The following DLGAP2 variants were observed in gnomAD, a reference collection of about 807,000 sequenced individuals.
DLGAP2 encodes the protein DLG associated protein 2, also known as disks large-associated protein 2.
Under a neutral mutation model 100.3 loss-of-function variants are expected in DLGAP2, and 26 were observed. The observed-to-expected ratio is 0.26, with a 90% CI of 0.19 to 0.36. The LOEUF (loss-of-function observed/expected upper bound fraction) is 0.36, where lower values mean the gene tolerates loss of function less well. Among genes scored for constraint, DLGAP2 ranks in the 10% least tolerant of loss-of-function variants. The probability of loss-of-function intolerance (pLI) is 1.00; values close to 1 mark genes in which losing one functional copy is unlikely to be tolerated. For missense variants in DLGAP2, 1,858 were observed against 1,453.2 expected, an observed-to-expected ratio of 1.28 and a Z score of -4.53; for synonymous variants, 886 against 630.1, an observed-to-expected ratio of 1.41 and a Z score of -6.08.
rs187627298 is a variant in DLGAP2, at chr8:1,425,732, G to C, written c.107-75634G>C. Among the ~76,000 whole-genome samples, 252 of 152,282 alleles carry C rather than the reference G, an allele frequency of 1.7e-3. 2 individuals carry two copies. Among genetic ancestry groups the C allele is most frequent in the African/African-American group, 5.9e-3 (247 of 41,562 alleles). ...TGGCCCCTGTGGGCTCATGAACCAA[G>C]ATAAGGACGTCTGTGCACCATTAAA... is the stretch of plus-strand genomic sequence containing the variant. On this transcript the variant is annotated intron_variant, in intron 3 of 14. Transcript: ENST00000637795.
chr8:893,201 C>A (rs1798072008), intron 1 of DLGAP2: 1 of 152,168 alleles, frequency 6.6e-6, no homozygotes, highest in Non-Finnish European at 1.5e-5. Flanking sequence ...CAGGCCGGAT[C>A]CTGCAGAGTG....
intron 2 of DLGAP2, among the ~76,000 whole-genome samples, chr8:1,157,987 C>G (rs1796823283): frequency 6.6e-6 from 1 of 152,200 alleles, no homozygotes; most frequent in South Asian, 2.1e-4. Context: ...GAGACAGATT[C>G]CAGTTTTACA....
At chr8:819,525 A>T (rs1173368605) in intron 1 of DLGAP2, among the ~76,000 whole-genome samples, 1 of 152,218 alleles carries the variant, frequency 6.6e-6, no homozygotes, top group Non-Finnish European at 1.5e-5. Flanking sequence ...GAGAAAAGAT[A>T]TTGGGAATCA....
At chr8:1,547,123 C>T (rs1024434693) in intron 4 of DLGAP2, among the ~76,000 whole-genome samples, 3 of 152,070 alleles carry the variant, frequency 2.0e-5, no homozygotes, top group African/African-American at 7.2e-5. Flanking sequence ...TGACGGCAGC[C>T]GGGTGTGCTT....
In DLGAP2 at chr8:1,049,331, G is replaced by A. The variant is rs143554322; in HGVS notation, c.73+141365G>A. Among the ~76,000 whole-genome samples, 401 of 152,132 alleles carry A rather than the reference G, an allele frequency of 2.6e-3. 6 individuals carry two copies. The highest frequency in any genetic ancestry group is 0.021 in the Admixed American group (325 of 15,288). The stretch of plus-strand genomic sequence containing the variant: ...CCTGTTCTACTTCTATAATTTTAAC[G>A]TCTTCGAAGACACAGACACCTTCTT... On this transcript the variant is annotated intron_variant, in intron 2 of 14. Coordinates refer to ENST00000637795, the MANE Select transcript of DLGAP2 (RefSeq NM_001346810.2).
At chr8:1,182,999 C>G (rs1797423726) in intron 2 of DLGAP2, among the ~76,000 whole-genome samples, 2 of 152,196 alleles carry the variant, frequency 1.3e-5, no homozygotes, top group Admixed American at 6.5e-5. Flanking sequence ...GGGCCAGTTC[C>G]TGGAAGTGTG....
intron 1 of DLGAP2, among the ~76,000 whole-genome samples, chr8:883,512 C>A (rs77701895): frequency 6.6e-6 from 1 of 150,752 alleles, no homozygotes; most frequent in Non-Finnish European, 1.5e-5. Flanking sequence ...CCCTTAATTT[C>A]TTCTTAAAAA....
intron 2 of DLGAP2, among the ~76,000 whole-genome samples, chr8:1,056,849 C>T (rs1472148021): frequency 6.6e-6 from 1 of 152,238 alleles, no homozygotes; most frequent in Non-Finnish European, 1.5e-5. Flanking sequence ...CCCTGAATTT[C>T]TAATTGTACC....
At chr8:1,134,069 T>C (rs541755020) in intron 2 of DLGAP2, among the ~76,000 whole-genome samples, 67 of 151,960 alleles carry the variant, frequency 4.4e-4, no homozygotes, top group African/African-American at 1.5e-3. Context: ...ATCATTTAGC[T>C]CCCACTTATA....
At chr8:1,146,315 A>AT (rs774908414) in intron 2 of DLGAP2, among the ~76,000 whole-genome samples, 1 of 152,130 alleles carries the variant, frequency 6.6e-6, no homozygotes. Context: ...TCCCGTGCTC[A>AT]TTTTCCTAGT....
At chr8:1,075,715 C>G (rs1368569390) in intron 2 of DLGAP2, among the ~76,000 whole-genome samples, 1 of 152,050 alleles carries the variant, frequency 6.6e-6, no homozygotes, top group Admixed American at 6.5e-5. Flanking sequence ...AAGGTTGCAT[C>G]TGACCCCAGG....
intron 2 of DLGAP2, among the ~76,000 whole-genome samples, chr8:1,072,695 G>A (rs1016959718): frequency 1.3e-5 from 2 of 152,200 alleles, no homozygotes; most frequent in African/African-American, 2.4e-5. Flanking sequence ...TGGAGAAGAT[G>A]TGCTTCTTAT....
chr8:1,160,810 A>G (rs1796875055), intron 2 of DLGAP2, among the ~76,000 whole-genome samples: 2 of 152,128 alleles, frequency 1.3e-5, no homozygotes, highest in South Asian at 4.1e-4. Flanking sequence ...TGGTTTTTTC[A>G]CCACCTCGAA....
At chr8:1,653,452 G>T (rs893086407) in intron 8 of DLGAP2, among the ~76,000 whole-genome samples, 4 of 152,232 alleles carry the variant, frequency 2.6e-5, no homozygotes, top group South Asian at 4.1e-4. Flanking sequence ...CCGGCTTCCT[G>T]GCCCCACAGG....
intron 2 of DLGAP2, among the ~76,000 whole-genome samples, chr8:943,633 G>A (rs1197564659): frequency 1.4e-5 from 2 of 146,388 alleles, no homozygotes; most frequent in South Asian, 2.2e-4. Context: ...TGTGGACGTC[G>A]TGATGTGGCC....
intron 6 of DLGAP2, among the ~76,000 whole-genome samples, chr8:1,586,938 G>C (rs959430122): frequency 6.6e-6 from 1 of 152,208 alleles, no homozygotes; most frequent in Non-Finnish European, 1.5e-5. Context: ...CAGCTAAGGA[G>C]ATTCTGACTA....
At chr8:1,497,102 G>T (rs1027878750) in intron 3 of DLGAP2, among the ~76,000 whole-genome samples, 2 of 152,224 alleles carry the variant, frequency 1.3e-5, no homozygotes, top group African/African-American at 4.8e-5. Flanking sequence ...CCCTAAGCAA[G>T]GGGTCTGAGT....
intron 3 of DLGAP2, among the ~76,000 whole-genome samples, chr8:1,496,247 C>A (rs1407531432): frequency 6.6e-6 from 1 of 152,098 alleles, no homozygotes; most frequent in Non-Finnish European, 1.5e-5. Context: ...TGTTGCAGGT[C>A]AGTGCAGAAT....
intron 2 of DLGAP2, among the ~76,000 whole-genome samples, chr8:1,097,961 TTGAC>T (rs1462849484): frequency 6.6e-6 from 1 of 152,248 alleles, no homozygotes; most frequent in Admixed American, 6.5e-5. Context: ...GATTCTGCCT[TTGAC>T]TGAGTCTGCT....
Sources: gnomAD v4.1 joint callset for allele counts (sites outside exome capture counted in the v4.1 genomes callset) on GRCh38, gnomAD v4.1.1 for gene constraint, MANE v1.5 for transcripts, NCBI Gene and HGNC (gene_info 2026-07-23, HGNC 2026-07-21) for gene names.